Variants in ATP8B4 observed in about 807,000 individuals in gnomAD.
ATP8B4 encodes the protein ATPase phospholipid transporting 8B4 (putative).
A neutral mutation model predicts 145.6 loss-of-function variants in ATP8B4; 133 were observed. The ratio of observed to expected loss-of-function variants is 0.91; its 90% confidence interval spans 0.79 to 1.05. ATP8B4 has a LOEUF of 1.05. ATP8B4 is among the 50% of genes least tolerant of loss of function. The probability of loss-of-function intolerance (pLI) is 0.00; values close to 1 mark genes in which losing one functional copy is unlikely to be tolerated. For synonymous variants in ATP8B4, 507 were observed against 492.9 expected (o/e 1.03, Z -0.38); for missense variants, 1,458 against 1,425.2 (o/e 1.02, Z -0.37).
intron 6 of ATP8B4, among the ~76,000 whole-genome samples, chr15:50,027,328 C>T (rs1355755487): frequency 1.3e-5 from 2 of 151,458 alleles, no homozygotes. Context: ...TCCGTAGCAT[C>T]TAGCACAGTG....
intron 6 of ATP8B4, among the ~76,000 whole-genome samples, chr15:50,025,049 C>T (rs956622601): frequency 6.6e-6 from 1 of 152,168 alleles, no homozygotes; most frequent in Non-Finnish European, 1.5e-5. Flanking sequence ...GCTTTTGCCC[C>T]AAGAGGCTTT....
In ATP8B4 at chr15:49,985,342, C is replaced by A. The variant is rs181696346; in HGVS notation, c.748+2049G>T. 1.2e-4 allele frequency among the ~76,000 whole-genome samples: 19 copies of A among 152,184 alleles called. 1 individual carries two copies. Among genetic ancestry groups the A allele is most frequent in the African/African-American group, 4.6e-4 (19 of 41,518 alleles). ...CAATCTCCTGACCTCGTGATCCACC[C>A]GCCTCAGCCTCCCAAAGTGCTGGGA... On this transcript the variant is annotated intron_variant, in intron 10 of 27. Transcript: ENST00000284509.
chr15:49,924,586 T>A (rs1241316946), intron 16 of ATP8B4, among the ~76,000 whole-genome samples: 1 of 151,704 alleles, frequency 6.6e-6, no homozygotes, highest in Non-Finnish European at 1.5e-5. Flanking sequence ...GTGCTTAATT[T>A]AAAAAAATAT....
At chr15:50,151,352 C>G (rs1197012380) in intron 1 of ATP8B4, among the ~76,000 whole-genome samples, 2 of 152,074 alleles carry the variant, frequency 1.3e-5, no homozygotes, top group Non-Finnish European at 2.9e-5. Flanking sequence ...GAAGCCAAAC[C>G]AAGGCAGATT....
intron 6 of ATP8B4, among the ~76,000 whole-genome samples, chr15:50,031,950 T>C (rs2050475816): frequency 6.6e-6 from 1 of 152,242 alleles, no homozygotes; most frequent in Admixed American, 6.5e-5. Context: ...TATTGTAATA[T>C]AAAACGTATT....
chr15:49,875,739 T>C (rs1421488470), intron 25 of ATP8B4, among the ~76,000 whole-genome samples: 1 of 151,954 alleles, frequency 6.6e-6, no homozygotes, highest in African/African-American at 2.4e-5. Flanking sequence ...AAAAAGGAAA[T>C]AGAGACACAA....
At chr15:50,096,392 A>G (rs2055988671) in intron 2 of ATP8B4, among the ~76,000 whole-genome samples, 1 of 152,214 alleles carries the variant, frequency 6.6e-6, no homozygotes, top group Admixed American at 6.5e-5. Context: ...CCTGAGTAAT[A>G]AAACAGACTG....
At chr15:50,099,047 G>T (rs74012886) in intron 2 of ATP8B4, among the ~76,000 whole-genome samples, 9 of 152,112 alleles carry the variant, frequency 5.9e-5, no homozygotes, top group African/African-American at 2.2e-4. Flanking sequence ...ACACAGCCCC[G>T]GTCTGATTCA....
intron 19 of ATP8B4, among the ~76,000 whole-genome samples, chr15:49,918,196 T>A (rs747179982): frequency 6.6e-6 from 1 of 152,216 alleles, no homozygotes; most frequent in Non-Finnish European, 1.5e-5. Context: ...TTTTCTTTCA[T>A]AGGAAACATA....
intron 1 of ATP8B4, among the ~76,000 whole-genome samples, chr15:50,141,073 G>C (rs949607255): frequency 6.6e-6 from 1 of 151,986 alleles, no homozygotes; most frequent in Admixed American, 6.6e-5. Flanking sequence ...CTCTTGACCC[G>C]CACCTGCCTC....
At chr15:50,179,173 A>G (rs555371331) in intron 1 of ATP8B4, among the ~76,000 whole-genome samples, 3 of 152,352 alleles carry the variant, frequency 2.0e-5, no homozygotes, top group African/African-American at 7.2e-5. Context: ...AAAATATTTA[A>G]TACCTAATAA....
chr15:49,878,142 A>T (rs753182158), intron 24 of ATP8B4, among the ~76,000 whole-genome samples: 1 of 152,168 alleles, frequency 6.6e-6, no homozygotes, highest in Non-Finnish European at 1.5e-5. Context: ...TTTGAATTGC[A>T]CAATAACCAT....
intron 8 of ATP8B4, among the ~76,000 whole-genome samples, chr15:49,998,362 T>G (rs1177787572): frequency 2.6e-5 from 4 of 152,288 alleles, no homozygotes; most frequent in South Asian, 2.1e-4. Flanking sequence ...ACCAACAGTG[T>G]AAAAGTGTTC....
rs550620185 is a variant in ATP8B4 at position 49,995,379 on chromosome 15, A to G, written c.589+1298T>C. Among the ~76,000 whole-genome samples the G allele has an allele frequency of 7.9e-5, 12 of 152,324 alleles. No individual in the cohort carries two copies. In the East Asian group the frequency reaches 1.2e-3, roughly 15 times the overall value. On this transcript the variant is annotated intron_variant, in intron 9 of 27. Coordinates refer to ENST00000284509, the MANE Select transcript of ATP8B4 (RefSeq NM_024837.4). The stretch of plus-strand genomic sequence containing the variant: ...CACAATTTACTTTTCTTGGATTCAC[A>G]TAACAGTAAAATTTCATTGAAAAAA...
chr15:50,081,130 A>AAG (rs1455610187), intron 2 of ATP8B4, among the ~76,000 whole-genome samples: 1 of 151,002 alleles, frequency 6.6e-6, no homozygotes, highest in Non-Finnish European at 1.5e-5. Context: ...AAAAAAAAAA[A>AAG]GAGTCCTCAT....
At chr15:49,903,023 G>A (rs1180370922) in intron 20 of ATP8B4, among the ~76,000 whole-genome samples, 1 of 152,136 alleles carries the variant, frequency 6.6e-6, no homozygotes, top group Non-Finnish European at 1.5e-5. Context: ...TCCTTAAACT[G>A]TCTTCCTAAC....
intron 1 of ATP8B4, among the ~76,000 whole-genome samples, chr15:50,150,830 A>G (rs1254751863): frequency 6.6e-6 from 1 of 152,228 alleles, no homozygotes; most frequent in Non-Finnish European, 1.5e-5. Context: ...AATGGTTTTG[A>G]GACATGAACC....
intron 1 of ATP8B4, among the ~76,000 whole-genome samples, chr15:50,135,687 A>T (rs540844393): frequency 8.5e-5 from 13 of 152,342 alleles, no homozygotes; most frequent in Non-Finnish European, 1.3e-4. Flanking sequence ...CTTTCTGGAC[A>T]TATTTTCACC....
chr15:49,889,580 A>G (rs2036576451), intron 23 of ATP8B4, among the ~76,000 whole-genome samples: 1 of 152,224 alleles, frequency 6.6e-6, no homozygotes, highest in Non-Finnish European at 1.5e-5. Flanking sequence ...ACCATCCCAC[A>G]GGCAGTAATG....
Sources: gnomAD v4.1 joint callset for allele counts (sites outside exome capture counted in the v4.1 genomes callset) on GRCh38, gnomAD v4.1.1 for gene constraint, MANE v1.5 for transcripts, NCBI Gene and HGNC (gene_info 2026-07-23, HGNC 2026-07-21) for gene names.